Variants in SPEG observed in about 807,000 individuals in gnomAD.
SPEG encodes the protein striated muscle enriched protein kinase.
In SPEG, 114 loss-of-function variants were observed where a neutral mutation model predicts 300.4. The observed-to-expected ratio is 0.38, with a 90% CI of 0.33 to 0.44. The LOEUF (loss-of-function observed/expected upper bound fraction) is 0.44. SPEG is among the 20% of genes least tolerant of loss of function. The probability of loss-of-function intolerance (pLI) is 1.00; values close to 1 mark genes in which losing one functional copy is unlikely to be tolerated. For missense variants in SPEG, 4,201 were observed against 4,586.2 expected, an observed-to-expected ratio of 0.92 and a Z score of 2.43; for synonymous variants, 1,964 against 2,018.9, an observed-to-expected ratio of 0.97 and a Z score of 0.73.
chr2:219,457,839 C>A (rs953330236), intron 6 of SPEG, among the ~76,000 whole-genome samples: 5 of 152,232 alleles, frequency 3.3e-5, no homozygotes, highest in Admixed American at 2.6e-4. Context: ...TTGCTTCAAA[C>A]TTTTCCGCAT....
chr2:219,468,183 T>C (rs931747628), intron 10 of SPEG, among the ~76,000 whole-genome samples: 5 of 151,528 alleles, frequency 3.3e-5, no homozygotes, highest in Admixed American at 3.3e-4. Flanking sequence ...GCTAGGAGCA[T>C]GGGCATGACC....
chr2:219,437,840 C>T (rs1178786439), intron 1 of SPEG, among the ~76,000 whole-genome samples: 4 of 152,066 alleles, frequency 2.6e-5, no homozygotes, highest in Non-Finnish European at 5.9e-5. Flanking sequence ...GCAAGCAGCT[C>T]GGCATTGCTC....
Position 219,480,116 on chromosome 2 carries a change from C to G in SPEG, c.5318C>G (p.Pro1773Arg), listed in dbSNP as rs1692696246. 6.2e-7 allele frequency: 1 copy of G among 1,613,806 alleles called. No homozygotes were observed. The change falls in exon 25 of 41, where the codon CCC (proline) becomes CGC (arginine). Residue 1773 changes from proline (P) to arginine (R), a missense_variant. Transcript: ENST00000312358. The surrounding 1 kb of genome is among the most constrained non-coding windows in gnomAD (Gnocchi z 5.3). ...GCACCCGAGATTGTCAATCAGAGCC[C>G]CGTGTCTGGAGTCACTGACATCTGG... ...FVAPEIVNQS[P>R]VSGVTDIWPV... is the part of the protein sequence containing the mutation.
At chr2:219,441,080 G>A (rs1199420183) in intron 1 of SPEG, among the ~76,000 whole-genome samples, 1 of 152,210 alleles carries the variant, frequency 6.6e-6, no homozygotes, top group Non-Finnish European at 1.5e-5. Context: ...TGTAAATGAG[G>A]TAACATTTGT....
intron 1 of SPEG, chr2:219,441,437 G>C (rs918181436): frequency 2.2e-6 from 1 of 459,734 alleles, no homozygotes; most frequent in East Asian, 7.0e-5. Context: ...GTCCACACCC[G>C]CCAGGACCCT....
At chr2:219,470,298 G>GGT (rs1383332243) in intron 13 of SPEG, among the ~76,000 whole-genome samples, 1 of 137,532 alleles carries the variant, frequency 7.3e-6, no homozygotes, top group Non-Finnish European at 1.5e-5. Flanking sequence ...GTCTGACCCT[G>GGT]GTGCCCAGCT....
rs1441311254 is a variant in SPEG, at chr2:219,479,243, T to A, written c.5085+42T>A. ...GCAGGGGCCAGGTTGGGCACCAGCC[T>A]TCACCCACCTGAGCTTTGAGAACCA... On this transcript the variant is annotated intron_variant, in intron 23 of 40. Transcript: ENST00000312358. The surrounding 1 kb of genome is among the most constrained non-coding windows in gnomAD (Gnocchi z 5.5). The A allele has an allele frequency of 6.4e-7, 1 of 1,557,802 alleles. No homozygotes were observed. The highest frequency in any genetic ancestry group is 2.2e-5 in the East Asian group (1 of 44,596).
Position 219,435,116 on chromosome 2 carries a change from C to G in SPEG, c.139C>G (p.Arg47Gly). 6.9e-7 allele frequency: 1 copy of G among 1,454,520 alleles called. No individual in the cohort carries two copies. Among genetic ancestry groups the G allele is most frequent in the Non-Finnish European group, 9.0e-7 (1 of 1,114,430 alleles). The allele number at this position is 1,454,520 out of a possible 1,614,324, so 90.1% of individuals were successfully genotyped here. The change falls in exon 1 of 41, where the codon CGG (arginine) becomes GGG (glycine). Residue 47 changes from arginine (R) to glycine (G), a missense_variant. By Grantham distance (125) the Arg-to-Gly change is moderately radical. This residue lies in a region of SPEG where 1,258 missense variants were observed against 1,293.9 expected (regional missense o/e 0.97). Transcript: ENST00000312358. The part of the protein sequence containing the change: ...VAVAGAPVFL[R>G]PLKNAAVCAG... ...CGTGGCCGGGGCGCCAGTCTTCCTG[C>G]GGCCCCTGAAGAACGCGGCGGTGTG...
chr2:219,466,195 A>C lies in SPEG; in HGVS notation c.2882-979A>C, dbSNP rs753798904. On this transcript the variant is annotated intron_variant, in intron 9 of 40. Coordinates refer to ENST00000312358, the MANE Select transcript of SPEG (RefSeq NM_005876.5). ...AGGCCTGCCGGCCCGGACCCGTCCC[A>C]GCCTCCCCTCCCCACCCCATGCAGC... is the stretch of plus-strand genomic sequence containing the variant. The C allele has an allele frequency of 3.5e-4, 512 of 1,479,314 alleles. 1 individual carries two copies. The highest frequency in any genetic ancestry group is 9.4e-4 in the South Asian group (70 of 74,784). The allele number at this position is 1,479,314 out of a possible 1,614,324, so 91.6% of individuals were successfully genotyped here.
chr2:219,441,913 C>G (rs1688942338), intron 1 of SPEG: 1 of 225,336 alleles, frequency 4.4e-6, no homozygotes, highest in Admixed American at 5.8e-5. Context: ...CACCCGGCTC[C>G]CGAGGCCCCA....
At chr2:219,449,879 G>A (rs1475993137) in intron 4 of SPEG, among the ~76,000 whole-genome samples, 3 of 152,108 alleles carry the variant, frequency 2.0e-5, no homozygotes, top group African/African-American at 7.2e-5. Flanking sequence ...ATGCCTGCCT[G>A]TGTGTTGTCT....
Position 219,493,218 on chromosome 2 carries a change from G to A in SPEG, c.*432G>A. ...TCAGGGCAGTAGGCTGGGAGTCAGT[G>A]TGGCAAAGCGGGGGCAGGACACAGA... On this transcript the variant is annotated 3_prime_UTR_variant, in exon 41 of 41. Transcript: ENST00000312358. The A allele has an allele frequency of 2.7e-6, 1 of 372,548 alleles. No individual in the cohort carries two copies. Among genetic ancestry groups the A allele is most frequent in the Non-Finnish European group, 5.3e-6 (1 of 190,402 alleles). The allele number at this position is 372,548 out of a possible 1,614,324, so 23.1% of individuals were successfully genotyped here.
At position 219,439,701 on chromosome 2, in the gene SPEG, A is replaced by G. The variant is rs1954807284; in HGVS notation, c.388+4336A>G. Among the ~76,000 whole-genome samples, 1 of 152,152 alleles carries G rather than the reference A, an allele frequency of 6.6e-6. No individual in the cohort carries two copies. The highest frequency in any genetic ancestry group is 1.5e-5 in the Non-Finnish European group (1 of 68,028). On this transcript the variant is annotated intron_variant, in intron 1 of 40. Transcript: ENST00000312358. The surrounding 1 kb of genome is among the most constrained non-coding windows in gnomAD (Gnocchi z 4.5). ...AGAGCATGTTCCAGGCCAGCCCTTC[A>G]GGAGTGAGCAGTGCCGACCCAGAGC... is the stretch of plus-strand genomic sequence containing the variant.
rs760422822 is a variant in SPEG, at chr2:219,473,097, G to GT, written c.4147+2dup. On this transcript the variant is annotated splice_donor_variant, in intron 16 of 40. Coordinates refer to ENST00000312358, the MANE Select transcript of SPEG (RefSeq NM_005876.5). LOFTEE classifies it high-confidence loss of function. The surrounding 1 kb of genome is among the most constrained non-coding windows in gnomAD (Gnocchi z 4.6). ...GAGCCTGTGCAGCTGCTGGAGCACG[G>GT]TGAGCCTGGGTGCTCCTGTCGGGTG... The GT allele has an allele frequency of 6.2e-7, 1 of 1,613,078 alleles. No individual in the cohort carries two copies. The highest frequency in any genetic ancestry group is 2.2e-5 in the East Asian group (1 of 44,860).
intron 6 of SPEG, among the ~76,000 whole-genome samples, chr2:219,455,677 T>C (rs1299265620): frequency 6.6e-6 from 1 of 152,202 alleles, no homozygotes; most frequent in East Asian, 1.9e-4. Flanking sequence ...GAGGTAGAAC[T>C]GAGCTCATGA....
chr2:219,491,461 T>C (rs1693965271), intron 38 of SPEG, among the ~76,000 whole-genome samples: 1 of 152,280 alleles, frequency 6.6e-6, no homozygotes, highest in East Asian at 1.9e-4. Context: ...TTTTGAAGGC[T>C]TTTAATCTTG....
rs373031408 is a variant in SPEG, at chr2:219,449,074, G to A, written c.1916G>A (p.Arg639His). 1.8e-5 allele frequency: 28 copies of A among 1,517,330 alleles called. 1 individual carries two copies. The East Asian group carries it at 2.7e-4, about 15-fold the overall frequency. The allele number at this position is 1,517,330 out of a possible 1,614,324, so 94.0% of individuals were successfully genotyped here. The stretch of plus-strand genomic sequence containing the variant: ...CGGGAGCCCCCGGCGCAGGCCGTGC[G>A]CTTCCTGCCCTGGGCCACGCCGGGC... ...RKREPPAQAVRFLPWATPGLE... is the reference protein window; with the variant it reads ...RKREPPAQAVHFLPWATPGLE... Residue 639 changes from arginine (R) to histidine (H), a missense_variant, in exon 4 of 41, where the codon CGC (arginine) becomes CAC (histidine). Physicochemically the swap from Arg to His is conservative, Grantham distance 29. This residue lies in a region of SPEG where 1,258 missense variants were observed against 1,293.9 expected (regional missense o/e 0.97). Coordinates refer to ENST00000312358, the MANE Select transcript of SPEG (RefSeq NM_005876.5).
chr2:219,468,658 G>A lies in SPEG; in HGVS notation c.3223G>A (p.Val1075Met). ...LFTRLLEDVE[V>M]LEGRAARFDC... ...CACACGGCTGCTGGAAGATGTGGAG[G>A]TGTTGGAGGGCCGAGCTGCCCGTTT... Residue 1075 changes from valine (V) to methionine (M), a missense_variant, in exon 11 of 41, where the codon GTG (valine) becomes ATG (methionine). Physicochemically the swap from Val to Met is conservative, Grantham distance 21. This residue lies in a region of SPEG where 1,047 missense variants were observed against 1,356.8 expected (regional missense o/e 0.77). Coordinates refer to ENST00000312358, the MANE Select transcript of SPEG (RefSeq NM_005876.5). The A allele has an allele frequency of 6.2e-7, 1 of 1,614,124 alleles. No homozygotes were observed.
At chr2:219,470,628 G>T (rs957129954) in intron 13 of SPEG, among the ~76,000 whole-genome samples, 1 of 152,232 alleles carries the variant, frequency 6.6e-6, no homozygotes, top group Non-Finnish European at 1.5e-5. Flanking sequence ...GAGAAGGGAA[G>T]GGTGTCTAGG....
Sources: allele counts gnomAD v4.1 joint callset (sites outside exome capture counted in the v4.1 genomes callset), GRCh38; gene constraint gnomAD v4.1.1; regional missense constraint gnomAD v4.1.1; non-coding constraint Gnocchi (gnomAD v3.1); transcripts MANE v1.5; gene names NCBI Gene and HGNC (gene_info 2026-07-23, HGNC 2026-07-21).